Variants in ANKRD46 observed in about 807,000 individuals in gnomAD.
ANKRD46 encodes the protein ankyrin repeat domain 46, also known as ankyrin repeat domain-containing protein 46.
A neutral mutation model predicts 19.8 loss-of-function variants in ANKRD46; 13 were observed. The observed-to-expected ratio is 0.66, with a 90% CI of 0.43 to 1.04. The LOEUF is 1.04. ANKRD46 is among the 50% of genes least tolerant of loss of function. The pLI, the probability that ANKRD46 is intolerant of heterozygous loss-of-function variation, is 0.00. For synonymous variants in ANKRD46, 91 were observed against 106.9 expected (o/e 0.85, Z 0.92); for missense variants, 185 against 274.8 (o/e 0.67, Z 2.31).
intron 1 of ANKRD46, among the ~76,000 whole-genome samples, chr8:100,547,003 T>C (rs1052158708): frequency 1.2e-4 from 18 of 152,216 alleles, no homozygotes; most frequent in African/African-American, 4.1e-4. Context: ...TGGAAGTAAC[T>C]AACTTGCTTT....
rs149664031 is a variant in ANKRD46 at position 100,526,462 on chromosome 8, G to A, written c.470+1383C>T. 2.3e-3 allele frequency among the ~76,000 whole-genome samples: 343 copies of A among 152,248 alleles called. 1 individual carries two copies. The highest frequency in any genetic ancestry group is 8.0e-3 in the African/African-American group (332 of 41,530). ...AGGAAAAAATCTTTAACAAATAATAGTTAACTCAATATTGTTAAAGTGCTT... is the reference window on the plus strand; with the variant it reads ...AGGAAAAAATCTTTAACAAATAATAATTAACTCAATATTGTTAAAGTGCTT... On this transcript the variant is annotated intron_variant, in intron 4 of 4. Transcript: ENST00000335659.
At chr8:100,555,948 G>A (rs1180114597) in intron 1 of ANKRD46, among the ~76,000 whole-genome samples, 2 of 152,094 alleles carry the variant, frequency 1.3e-5, no homozygotes, top group African/African-American at 4.8e-5. Flanking sequence ...GTATTTTACT[G>A]CGTACCTTGA....
chr8:100,510,918 A>C lies in ANKRD46; in HGVS notation c.637-279T>G, dbSNP rs1811539162. 6.6e-6 allele frequency among the ~76,000 whole-genome samples: 1 copy of C among 152,156 alleles called. No individual in the cohort carries two copies. The stretch of plus-strand genomic sequence containing the variant: ...AAGGTATTATTTAATGAAAGCTCAA[A>C]GAGCTGAAGCCATCTGGGAACCTAA... On this transcript the variant is annotated intron_variant, in intron 5 of 5. Transcript: ENST00000520552. The surrounding 1 kb of genome is among the most constrained non-coding windows in gnomAD (Gnocchi z 4.9).
chr8:100,521,370 TTC>T lies in ANKRD46; in HGVS notation c.*1183_*1184del. The T allele has an allele frequency of 1.0e-6, 1 of 985,434 alleles. No individual in the cohort carries two copies. Among genetic ancestry groups the T allele is most frequent in the Non-Finnish European group, 1.2e-6 (1 of 829,914 alleles). The allele number at this position is 985,434 out of a possible 1,614,324, so 61.0% of individuals were successfully genotyped here. ...AATAAATAATTATCAAGCCTTCATATTCTTTTTTAACCACTCAAGAACATAAT... is the reference window on the plus strand; with the variant it reads ...AATAAATAATTATCAAGCCTTCATATTTTTTTAACCACTCAAGAACATAAT... On this transcript the variant is annotated 3_prime_UTR_variant, in exon 5 of 5. Transcript: ENST00000335659.
chr8:100,529,884 A>T lies in ANKRD46; in HGVS notation c.-27-24T>A. On this transcript the variant is annotated intron_variant, in intron 2 of 4. Transcript: ENST00000335659. The surrounding 1 kb of genome is among the most constrained non-coding windows in gnomAD (Gnocchi z 5.8). ...GCCTGTAATGAAATAGGTGAGTGAG[A>T]TTCCATGAAGACAAATGAAATCAAG... 6.4e-7 allele frequency: 1 copy of T among 1,550,772 alleles called. No homozygotes were observed. Among genetic ancestry groups the T allele is most frequent in the East Asian group, 2.3e-5 (1 of 44,116 alleles).
Position 100,510,169 on chromosome 8 carries a change from A to G in ANKRD46, c.*408T>C, listed in dbSNP as rs1811528023. On this transcript the variant is annotated 3_prime_UTR_variant, in exon 6 of 6. Coordinates refer to the ANKRD46 transcript ENST00000520552. The surrounding 1 kb of genome is among the most constrained non-coding windows in gnomAD (Gnocchi z 4.9). ...CCAGACCGTTTTCTTCACAACTGAA[A>G]TTGGATCCCCACAGTCCATGGAGAC... 1.1e-5 allele frequency: 2 copies of G among 174,924 alleles called. No individual in the cohort carries two copies. Among genetic ancestry groups the G allele is most frequent in the South Asian group, 2.0e-4 (1 of 5,060 alleles). 10.8% of individuals were successfully genotyped at this position (174,924 alleles called of 1,614,324 possible).
rs1811751081 is a variant in ANKRD46, at chr8:100,522,697, G to A, written c.545C>T (p.Thr182Met). 6.2e-7 allele frequency: 1 copy of A among 1,614,024 alleles called. No individual in the cohort carries two copies. Residue 182 changes from threonine to methionine, a missense_variant, in exon 5 of 5, where the codon ACG becomes ATG. Thr to Met is a moderately conservative substitution (Grantham distance 81). Transcript: ENST00000335659. ...GEGVLSSFRT[T>M]WQEFVEDLGF... ...CAGATCCTCCACAAACTCCTGCCAC[G>A]TGGTTCGGAAGCTGGAGAGGACTCC...
Position 100,510,803 on chromosome 8 carries a change from C to T in ANKRD46, c.637-164G>A, listed in dbSNP as rs80198067. ...GCTCTCAACGCTCACAGGAAGGGTC[C>T]TGCCGCTTCACAACTGTCCTTGGCT... is the stretch of plus-strand genomic sequence containing the variant. On this transcript the variant is annotated intron_variant, in intron 5 of 5. Transcript: ENST00000520552. This position sits in a 1 kb window ranked among gnomAD's most constrained non-coding sequence, Gnocchi z 4.9. Among the ~76,000 whole-genome samples, 7,853 of 152,252 alleles carry T rather than the reference C, an allele frequency of 0.052. 326 individuals are homozygous for T. Among genetic ancestry groups the T allele is most frequent in the Non-Finnish European group, 0.076 (5,137 of 68,006 alleles).
At chr8:100,552,714 A>T (rs1288645426) in intron 1 of ANKRD46, among the ~76,000 whole-genome samples, 2 of 152,238 alleles carry the variant, frequency 1.3e-5, no homozygotes, top group Admixed American at 1.3e-4. Flanking sequence ...TGGTGTATAA[A>T]TGAGATACCT....
rs918490084 is a variant in ANKRD46, at chr8:100,546,264, A to C, written c.-130-12953T>G. Reference sequence around the variant, plus strand: ...GGCAGCCCCTCCCATCACAGGCCACAAGGCCTAGGAGGGAAAAAATGGTTT... The same window carrying C: ...GGCAGCCCCTCCCATCACAGGCCACCAGGCCTAGGAGGGAAAAAATGGTTT... On this transcript the variant is annotated intron_variant, in intron 1 of 4. Transcript: ENST00000335659. This position sits in a 1 kb window ranked among gnomAD's most constrained non-coding sequence, Gnocchi z 4.0. Among the ~76,000 whole-genome samples the C allele has an allele frequency of 3.9e-5, 6 of 152,242 alleles. No homozygotes were observed. Among genetic ancestry groups the C allele is most frequent in the Admixed American group, 3.9e-4 (6 of 15,294 alleles).
chr8:100,551,393 G>A, intron 1 of ANKRD46: 1 of 604,094 alleles, frequency 1.7e-6, no homozygotes, highest in Non-Finnish European at 3.1e-6. Context: ...GTGAGCCCCA[G>A]CCTTCTCTAT....
rs1467302775 is a variant in ANKRD46, at chr8:100,529,317, G to GA, written c.311+205dup. ...GCAGAAACTACCTACTATTTTCATAGAAAAAAATATGCTGCTTTAGCAAAA... is the reference window on the plus strand; with the variant it reads ...GCAGAAACTACCTACTATTTTCATAGAAAAAAAATATGCTGCTTTAGCAAAA... On this transcript the variant is annotated intron_variant, in intron 3 of 4. Transcript: ENST00000335659. The surrounding 1 kb of genome is among the most constrained non-coding windows in gnomAD (Gnocchi z 5.8). Among the ~76,000 whole-genome samples the GA allele has an allele frequency of 6.6e-6, 1 of 152,124 alleles. No homozygotes were observed. The highest frequency in any genetic ancestry group is 1.5e-5 in the Non-Finnish European group (1 of 68,022).
At chr8:100,518,648 G>A (rs1353163574), downstream of ANKRD46, among the ~76,000 whole-genome samples, 2 of 152,048 alleles carry the variant, frequency 1.3e-5, no homozygotes, top group East Asian at 1.9e-4. Flanking sequence ...TCAGGAGATC[G>A]AGACCATCCT....
At chr8:100,535,550 C>T (rs1418344225) in intron 1 of ANKRD46, among the ~76,000 whole-genome samples, 1 of 152,170 alleles carries the variant, frequency 6.6e-6, no homozygotes, top group Non-Finnish European at 1.5e-5. Context: ...ATTCCTGCTT[C>T]CCTCCCATGC....
At chr8:100,538,999 C>A (rs16898544) in intron 1 of ANKRD46, among the ~76,000 whole-genome samples, 2 of 152,146 alleles carry the variant, frequency 1.3e-5, no homozygotes, top group African/African-American at 4.8e-5. Context: ...TTTTGGCTAA[C>A]CAAAATGTAA....
At chr8:100,541,487 T>C (rs1165477136) in intron 1 of ANKRD46, among the ~76,000 whole-genome samples, 1 of 152,216 alleles carries the variant, frequency 6.6e-6, no homozygotes, top group Non-Finnish European at 1.5e-5. Context: ...GCTTTCACTG[T>C]TATGTGAACA....
At chr8:100,542,733 G>T (rs1812199329) in intron 1 of ANKRD46, among the ~76,000 whole-genome samples, 1 of 152,064 alleles carries the variant, frequency 6.6e-6, no homozygotes, top group South Asian at 2.1e-4. Flanking sequence ...CATGAGGATA[G>T]AAATAAATAA....
Position 100,521,209 on chromosome 8 carries a change from G to C in ANKRD46, c.*1346C>G. ...AAGAGAAAATACCAAGAAGCAAAAA[G>C]AATCACAGAAATACCAATTCTATTC... On this transcript the variant is annotated 3_prime_UTR_variant, in exon 5 of 5. Transcript: ENST00000335659. 1.0e-6 allele frequency: 1 copy of C among 984,716 alleles called. No individual in the cohort carries two copies. The highest frequency in any genetic ancestry group is 1.8e-5 in the African/African-American group (1 of 57,110). 61.0% of individuals were successfully genotyped at this position (984,716 alleles called of 1,614,324 possible). A position where few individuals can be genotyped will look rare whatever the true frequency, so the allele number is the denominator to read the frequency against.
At chr8:100,533,090 A>G (rs1029246175) in intron 2 of ANKRD46, 119 bp downstream of exon 2, 4 of 152,202 alleles carry the variant, frequency 2.6e-5, no homozygotes, top group Non-Finnish European at 5.9e-5. Context: ...ACTTAATCCC[A>G]CATTTAATAA....
Sources: allele counts gnomAD v4.1 joint callset (sites outside exome capture counted in the v4.1 genomes callset), GRCh38; gene constraint gnomAD v4.1.1; non-coding constraint Gnocchi (gnomAD v3.1); transcripts MANE v1.5; gene names NCBI Gene and HGNC (gene_info 2026-07-23, HGNC 2026-07-21).